The following LSM5 variants were observed in gnomAD, a reference collection of about 807,000 sequenced individuals.
LSM5 encodes the protein U6 snRNA-associated Sm-like protein LSm5.
A neutral mutation model predicts 13.8 loss-of-function variants in LSM5; 8 were observed. That is an observed-to-expected ratio of 0.58 (90% CI 0.34 to 1.04). The LOEUF (loss-of-function observed/expected upper bound fraction) is 1.04. Ranked by LOEUF, LSM5 falls within the 50% of genes least tolerant of loss-of-function variation. LSM5 has a pLI of 0.03. For synonymous variants in LSM5, 35 were observed against 37.0 expected (o/e 0.95, Z 0.20); for missense variants, 80 against 108.1 (o/e 0.74, Z 1.15).
chr7:32,490,483 T>G, upstream of LSM5: 1 of 795,512 alleles, frequency 1.3e-6, no homozygotes, highest in East Asian at 2.6e-5. Flanking sequence ...CACGATCTAG[T>G]CAGCTGCGTG....
chr7:32,489,361 T>C lies in LSM5; in HGVS notation c.47-17A>G. 1 of 1,399,076 alleles carries C rather than the reference T, an allele frequency of 7.1e-7. No individual in the cohort carries two copies. Among genetic ancestry groups the C allele is most frequent in the Non-Finnish European group, 1.0e-6 (1 of 992,402 alleles). The allele number at this position is 1,399,076 out of a possible 1,614,324, so 86.7% of individuals were successfully genotyped here. ...CCACAAGCTCTGAGGAGGGAAAAAA[T>C]ATTATTTTACCATTCATTATTTCAA... On this transcript the variant is annotated splice_polypyrimidine_tract_variant and intron_variant, in intron 1 of 4. Coordinates refer to ENST00000450169, the MANE Select transcript of LSM5 (RefSeq NM_012322.3).
At chr7:32,488,682 A>G in intron 2 of LSM5, 30 bp from the exon 3 acceptor site, 1 of 1,482,780 alleles carries the variant, frequency 6.7e-7, no homozygotes, top group East Asian at 2.3e-5. Flanking sequence ...AAATAAATAC[A>G]GAATTTACTC....
rs1215193992 is a variant in LSM5, at chr7:32,486,487, G to A, written c.*774C>T. On this transcript the variant is annotated 3_prime_UTR_variant, in exon 5 of 5. Transcript: ENST00000450169. The stretch of plus-strand genomic sequence containing the variant: ...TATATTACCTGTTTGTTTTTAATAG[G>A]AGTTCTTTGACTTAATTTATACAGT... 6.6e-6 allele frequency: 1 copy of A among 152,040 alleles called. No individual in the cohort carries two copies. Among genetic ancestry groups the A allele is most frequent in the Non-Finnish European group, 1.5e-5 (1 of 68,002 alleles). 9.4% of individuals were successfully genotyped at this position (152,040 alleles called of 1,614,324 possible). A position where few individuals can be genotyped will look rare whatever the true frequency, so the allele number is the denominator to read the frequency against.
At chr7:32,489,721 G>C (rs1786530775) in intron 1 of LSM5, 1 of 292,074 alleles carries the variant, frequency 3.4e-6, no homozygotes, top group African/African-American at 2.2e-5. Context: ...CATCTCTTTA[G>C]CTAGCCTAGC....
rs1786463313 is a variant in LSM5, at chr7:32,486,991, A to G, written c.*270T>C. On this transcript the variant is annotated 3_prime_UTR_variant, in exon 5 of 5. Transcript: ENST00000450169. Reference sequence around the variant, plus strand: ...AAAGTAAGTGGCAAAATAACTACAAACTTTGTTCCACTGGCTACTGCAGTA... The same window carrying G: ...AAAGTAAGTGGCAAAATAACTACAAGCTTTGTTCCACTGGCTACTGCAGTA... 4.3e-6 allele frequency: 2 copies of G among 460,362 alleles called. No homozygotes were observed. The highest frequency in any genetic ancestry group is 8.1e-5 in the East Asian group (2 of 24,610). The allele number at this position is 460,362 out of a possible 1,614,324, so 28.5% of individuals were successfully genotyped here.
At chr7:32,487,314 G>A (rs769634799) in intron 4 of LSM5, 21 bp from the exon 5 acceptor site, 6 of 1,610,174 alleles carry the variant, frequency 3.7e-6, no homozygotes, top group Non-Finnish European at 3.4e-6. Context: ...AGGAAAAAGA[G>A]TTTATTAATA....
In LSM5 at chr7:32,487,110, C is replaced by G. The variant is rs1786466305; in HGVS notation, c.*151G>C. On this transcript the variant is annotated 3_prime_UTR_variant, in exon 5 of 5. Coordinates refer to ENST00000450169, the MANE Select transcript of LSM5 (RefSeq NM_012322.3). ...CTTTTTCCAGGATAATCATGATTAA[C>G]TTACAAAAATGGGTACACATCTTCA... 3.0e-6 allele frequency: 2 copies of G among 670,900 alleles called. No homozygotes were observed. The highest frequency in any genetic ancestry group is 3.7e-5 in the African/African-American group (2 of 54,122). The allele number at this position is 670,900 out of a possible 1,614,324, so 41.6% of individuals were successfully genotyped here. A position where few individuals can be genotyped will look rare whatever the true frequency, so the allele number is the denominator to read the frequency against.
upstream of LSM5, among the ~76,000 whole-genome samples, chr7:32,493,589 G>C (rs1268371595): frequency 1.3e-5 from 2 of 152,016 alleles, no homozygotes; most frequent in Admixed American, 6.6e-5. Flanking sequence ...ATCTGGGCTG[G>C]AGAGCAGTGC....
At chr7:32,492,933 A>C (rs1786625258), upstream of LSM5, among the ~76,000 whole-genome samples, 1 of 152,218 alleles carries the variant, frequency 6.6e-6, no homozygotes, top group South Asian at 2.1e-4. Context: ...AAATTTTATT[A>C]TTTTCCCAAT....
In LSM5 at chr7:32,485,631, A is replaced by G. The variant is rs1786420246; in HGVS notation, c.*1630T>C. On this transcript the variant is annotated 3_prime_UTR_variant, in exon 5 of 5. Coordinates refer to ENST00000450169, the MANE Select transcript of LSM5 (RefSeq NM_012322.3). The stretch of plus-strand genomic sequence containing the variant: ...AATGAGATCAAAATTAATCAAGAAA[A>G]TTTTAGGCCAGGCCTGGTGGCTCAT... 1 of 152,154 alleles carries G rather than the reference A, an allele frequency of 6.6e-6. No homozygotes were observed. Among genetic ancestry groups the G allele is most frequent in the Non-Finnish European group, 1.5e-5 (1 of 68,022 alleles). 9.4% of individuals were successfully genotyped at this position (152,154 alleles called of 1,614,324 possible).
upstream of LSM5, among the ~76,000 whole-genome samples, chr7:32,493,523 T>G (rs541261846): frequency 7.9e-6 from 1 of 125,962 alleles, no homozygotes; most frequent in Admixed American, 7.9e-5. Context: ...TAACTAACTT[T>G]TTCTTTCTCT....
At chr7:32,489,968 A>T (rs1786538719) in intron 1 of LSM5, 1 of 1,181,624 alleles carries the variant, frequency 8.5e-7, no homozygotes, top group African/African-American at 1.6e-5. Context: ...CACATACATA[A>T]CATGGTCTAT....
chr7:32,490,281 T>C, intron 1 of LSM5, 39 bp downstream of exon 1: 1 of 1,614,142 alleles, frequency 6.2e-7, no homozygotes, highest in Non-Finnish European at 8.5e-7. Context: ...ATCCTGAATG[T>C]CAGCTCCCTG....
In LSM5 at chr7:32,485,933, G is replaced by A. The variant is rs889271859; in HGVS notation, c.*1328C>T. On this transcript the variant is annotated 3_prime_UTR_variant, in exon 5 of 5. Transcript: ENST00000450169. ...CAAGATCATGCCACTGCATTCCAGT[G>A]AGACTCTCCAAAAAAAAAAAAAAAA... 3.7e-4 allele frequency: 41 copies of A among 111,932 alleles called. 1 individual carries two copies. Among genetic ancestry groups the A allele is most frequent in the Admixed American group, 7.4e-4 (7 of 9,476 alleles). 6.9% of individuals were successfully genotyped at this position (111,932 alleles called of 1,614,324 possible).
In LSM5 at chr7:32,487,242, G is replaced by GT. The variant is rs1221257127; in HGVS notation, c.*18dup. ...ATTATAAGCCAAAACAAAATCTAGTGTAAGTCAAGGAAACTCATTCACACT... is the reference window on the plus strand; with the variant it reads ...ATTATAAGCCAAAACAAAATCTAGTGTTAAGTCAAGGAAACTCATTCACACT... On this transcript the variant is annotated 3_prime_UTR_variant, in exon 5 of 5. Coordinates refer to ENST00000450169, the MANE Select transcript of LSM5 (RefSeq NM_012322.3). The GT allele has an allele frequency of 5.0e-6, 8 of 1,611,554 alleles. No individual in the cohort carries two copies. The highest frequency in any genetic ancestry group is 2.7e-5 in the African/African-American group (2 of 74,966).
chr7:32,493,066 G>T (rs1448463739), upstream of LSM5, among the ~76,000 whole-genome samples: 1 of 152,200 alleles, frequency 6.6e-6, no homozygotes, highest in East Asian at 1.9e-4. Context: ...TACTTAGGAG[G>T]CTGAGGCAGG....
chr7:32,487,537 AC>A, intron 4 of LSM5, 147 bp downstream of exon 4: 1 of 686,724 alleles, frequency 1.5e-6, no homozygotes, highest in Non-Finnish European at 2.6e-6. Flanking sequence ...GAGCTTTAGG[AC>A]CCTGACCACA....
chr7:32,487,065 AAAG>A lies in LSM5; in HGVS notation c.*193_*195del, dbSNP rs1331553991. 2.9e-5 allele frequency: 18 copies of A among 615,066 alleles called. No homozygotes were observed. The highest frequency in any genetic ancestry group is 1.6e-4 in the South Asian group (8 of 50,738). The allele number at this position is 615,066 out of a possible 1,614,324, so 38.1% of individuals were successfully genotyped here. ...CAAAAACACCTTTATTTTCATCTGC[AAAG>A]AAGAAGCTCTTTTCTTCTTTTTCCA... On this transcript the variant is annotated 3_prime_UTR_variant, in exon 5 of 5. Coordinates refer to ENST00000450169, the MANE Select transcript of LSM5 (RefSeq NM_012322.3).
intron 1 of LSM5, chr7:32,489,924 A>C (rs1012720530): frequency 2.7e-6 from 2 of 730,224 alleles, no homozygotes; most frequent in Non-Finnish European, 3.8e-6. Flanking sequence ...TTTAAGGCTC[A>C]TTCCGGACCA....
Sources: allele counts gnomAD v4.1 joint callset (sites outside exome capture counted in the v4.1 genomes callset), GRCh38; gene constraint gnomAD v4.1.1; transcripts MANE v1.5; gene names NCBI Gene and HGNC (gene_info 2026-07-23, HGNC 2026-07-21).